Variants in CACNA1E observed in about 807,000 individuals in gnomAD.
The protein encoded by CACNA1E is voltage-dependent R-type calcium channel subunit alpha-1E.
CACNA1E carries 40 observed loss-of-function variants against 259.2 expected under a neutral mutation model. The observed-to-expected ratio is 0.15, with a 90% confidence interval of 0.12 to 0.20. CACNA1E has a LOEUF of 0.20. Ranked by LOEUF, CACNA1E falls within the 10% of genes least tolerant of loss-of-function variation. CACNA1E has a pLI of 1.00. For synonymous variants in CACNA1E, 1,104 were observed against 1,138.5 expected (o/e 0.97, Z 0.61); for missense variants, 1,874 against 3,040.1 (o/e 0.62, Z 9.02).
chr1:181,649,194 T>A (rs1459779776), intron 6 of CACNA1E, among the ~76,000 whole-genome samples: 2 of 152,254 alleles, frequency 1.3e-5, no homozygotes, highest in African/African-American at 4.8e-5. Flanking sequence ...CTCTGAGGTC[T>A]GGCCCACATC....
At chr1:181,437,283 C>G (rs1021325504) in intron 2 of CACNA1E, among the ~76,000 whole-genome samples, 1 of 152,082 alleles carries the variant, frequency 6.6e-6, no homozygotes, top group African/African-American at 2.4e-5. Context: ...CTCATTCTTT[C>G]TTTTTTCTGT....
intron 6 of CACNA1E, among the ~76,000 whole-genome samples, chr1:181,590,376 G>A (rs1226225648): frequency 2.1e-5 from 3 of 144,616 alleles, no homozygotes; most frequent in East Asian, 4.1e-4. Context: ...GCACTGATGA[G>A]GCAGCAGAGT....
intron 6 of CACNA1E, among the ~76,000 whole-genome samples, chr1:181,641,135 C>T (rs1321017035): frequency 6.6e-6 from 1 of 152,230 alleles, no homozygotes; most frequent in Non-Finnish European, 1.5e-5. Flanking sequence ...AGAGTACACA[C>T]TCAAAAGTGT....
chr1:181,751,999 A>T, intron 26 of CACNA1E, 144 bp from the exon 27 acceptor site: 1 of 720,052 alleles, frequency 1.4e-6, no homozygotes, highest in Non-Finnish European at 2.5e-6. Flanking sequence ...CTGGAGTCAA[A>T]TCTGACTCAG....
chr1:181,784,596 C>A, intron 40 of CACNA1E, 65 bp from the exon 41 acceptor site: 1 of 1,109,678 alleles, frequency 9.0e-7, no homozygotes, highest in Non-Finnish European at 1.3e-6. Context: ...CCTACCTTCA[C>A]CTCCTCCCTC....
chr1:181,555,951 T>C (rs1160216021), intron 3 of CACNA1E, among the ~76,000 whole-genome samples: 1 of 152,134 alleles, frequency 6.6e-6, no homozygotes, highest in Non-Finnish European at 1.5e-5. Flanking sequence ...TTCTTTAAAC[T>C]CTATATAAAG....
chr1:181,387,414 C>A (rs908816348), intron 1 of CACNA1E, among the ~76,000 whole-genome samples: 2 of 152,192 alleles, frequency 1.3e-5, no homozygotes, highest in East Asian at 3.8e-4. Flanking sequence ...GTTTTAGGCT[C>A]AGCTTGAGGC....
intron 6 of CACNA1E, among the ~76,000 whole-genome samples, chr1:181,598,632 C>A (rs969994981): frequency 6.6e-6 from 1 of 152,176 alleles, no homozygotes; most frequent in African/African-American, 2.4e-5. Flanking sequence ...TCAGGGAAAT[C>A]ATCTCATTAC....
chr1:181,798,990 A>G lies in CACNA1E; in HGVS notation c.*156A>G. On this transcript the variant is annotated 3_prime_UTR_variant, in exon 48 of 48. Coordinates refer to ENST00000367573, the MANE Select transcript of CACNA1E (RefSeq NM_001205293.3). This position sits in a 1 kb window ranked among gnomAD's most constrained non-coding sequence, Gnocchi z 4.2. ...GAAGAGGAAGTAAAGGACAATCAGAACACCAGTCAAACCCACCAAATTGCT... is the reference window on the plus strand; with the variant it reads ...GAAGAGGAAGTAAAGGACAATCAGAGCACCAGTCAAACCCACCAAATTGCT... The G allele has an allele frequency of 1.6e-6, 1 of 639,940 alleles. No individual in the cohort carries two copies. Among genetic ancestry groups the G allele is most frequent in the Non-Finnish European group, 2.4e-6 (1 of 409,496 alleles). The allele number at this position is 639,940 out of a possible 1,614,324, so 39.6% of individuals were successfully genotyped here. A position where few individuals can be genotyped will look rare whatever the true frequency, so the allele number is the denominator to read the frequency against.
At chr1:181,395,898 A>G (rs1656648225) in intron 1 of CACNA1E, among the ~76,000 whole-genome samples, 1 of 152,256 alleles carries the variant, frequency 6.6e-6, no homozygotes, top group South Asian at 2.1e-4. Flanking sequence ...TGTGTAACAA[A>G]TCACTCAAAA....
chr1:181,501,315 C>G (rs1261150304), intron 1 of CACNA1E, among the ~76,000 whole-genome samples: 1 of 152,208 alleles, frequency 6.6e-6, no homozygotes, highest in Non-Finnish European at 1.5e-5. Flanking sequence ...TTTCTCAGAA[C>G]CAGCACTTCC....
intron 6 of CACNA1E, among the ~76,000 whole-genome samples, chr1:181,647,772 C>T (rs1173787370): frequency 6.6e-6 from 1 of 152,210 alleles, no homozygotes; most frequent in Non-Finnish European, 1.5e-5. Context: ...CTTTGCTAGC[C>T]TGCTTCCTGC....
chr1:181,367,419 G>A (rs2101941735), intron 1 of CACNA1E, among the ~76,000 whole-genome samples: 1 of 151,210 alleles, frequency 6.6e-6, no homozygotes, highest in African/African-American at 2.4e-5. Context: ...CTATAACCTT[G>A]CAAAACATTT....
intron 3 of CACNA1E, among the ~76,000 whole-genome samples, chr1:181,549,827 G>A (rs928539282): frequency 3.3e-5 from 5 of 152,226 alleles, no homozygotes; most frequent in African/African-American, 1.2e-4. Flanking sequence ...AACCACTGGA[G>A]TGGGCGTGGA....
intron 3 of CACNA1E, among the ~76,000 whole-genome samples, chr1:181,546,488 G>T (rs1326743047): frequency 6.6e-6 from 1 of 152,072 alleles, no homozygotes; most frequent in African/African-American, 2.4e-5. Context: ...TCCCTGCTGG[G>T]GCCCTGCCTT....
chr1:181,742,276 G>T (rs902659472), intron 25 of CACNA1E, among the ~76,000 whole-genome samples: 1 of 152,164 alleles, frequency 6.6e-6, no homozygotes, highest in Non-Finnish European at 1.5e-5. Context: ...GCCTGGCCTG[G>T]GGCAGAGAGT....
intron 30 of CACNA1E, 48 bp downstream of exon 30, chr1:181,757,174 G>T: frequency 1.5e-6 from 2 of 1,347,734 alleles, no homozygotes; most frequent in South Asian, 1.2e-5. Context: ...CTCCAGAAAG[G>T]ATTCTTGGGC....
At chr1:181,706,287 A>G (rs978932372) in intron 7 of CACNA1E, among the ~76,000 whole-genome samples, 10 of 152,022 alleles carry the variant, frequency 6.6e-5, no homozygotes, top group African/African-American at 2.4e-4. Context: ...ATGCATCATC[A>G]TCCGAATCAC....
At chr1:181,762,337 A>G (rs559609407) in intron 32 of CACNA1E, among the ~76,000 whole-genome samples, 2 of 152,250 alleles carry the variant, frequency 1.3e-5, no homozygotes, top group East Asian at 1.9e-4. Context: ...TTTCAAAGAT[A>G]AAGTCTTCAA....
Sources: allele counts gnomAD v4.1 joint callset (sites outside exome capture counted in the v4.1 genomes callset), GRCh38; gene constraint gnomAD v4.1.1; non-coding constraint Gnocchi (gnomAD v3.1); transcripts MANE v1.5; gene names NCBI Gene and HGNC (gene_info 2026-07-23, HGNC 2026-07-21).